AFG2A: variants seen among roughly 807,000 people sequenced by gnomAD.
AFG2A encodes the protein ATPase family gene 2 protein homolog A.
the AFG2A span, among the ~76,000 whole-genome samples, chr4:123,243,023 A>G: frequency 6.6e-6 from 1 of 152,266 alleles, no homozygotes; most frequent in Non-Finnish European, 1.5e-5. Flanking sequence ...CCATCAGAGA[A>G]ATGCAAATCA....
At chr4:123,120,228 T>C in the AFG2A span, among the ~76,000 whole-genome samples, 1 of 152,154 alleles carries the variant, frequency 6.6e-6, no homozygotes, top group Admixed American at 6.5e-5. Flanking sequence ...AGGAAATAAT[T>C]TATAACATTT....
the AFG2A span, among the ~76,000 whole-genome samples, chr4:123,110,990 A>G: frequency 6.6e-6 from 1 of 152,178 alleles, no homozygotes; most frequent in Non-Finnish European, 1.5e-5. Flanking sequence ...ATGTGTTAGA[A>G]AACTTATACT....
chr4:123,064,689 C>A, the AFG2A span, among the ~76,000 whole-genome samples: 3 of 152,144 alleles, frequency 2.0e-5, no homozygotes, highest in Non-Finnish European at 4.4e-5. Flanking sequence ...TTTCCCATAA[C>A]AACTTCTATT....
the AFG2A span, among the ~76,000 whole-genome samples, chr4:123,046,683 G>A: frequency 6.6e-6 from 1 of 152,106 alleles, no homozygotes; most frequent in South Asian, 2.1e-4. Context: ...GAAATATGCA[G>A]TAAATTGTTG....
At chr4:123,192,578 G>T in the AFG2A span, among the ~76,000 whole-genome samples, 3,513 of 152,244 alleles carry the variant, frequency 0.023, 67 homozygotes, top group Non-Finnish European at 0.035. Flanking sequence ...CCATAGCCAC[G>T]GTAGTGAATG....
the AFG2A span, among the ~76,000 whole-genome samples, chr4:122,975,205 G>C: frequency 6.6e-6 from 1 of 152,152 alleles, no homozygotes; most frequent in African/African-American, 2.4e-5. Flanking sequence ...CAGTCTCTTT[G>C]CATCCAAGAT....
chr4:123,154,258 ATACTT>A, the AFG2A span, among the ~76,000 whole-genome samples: 1 of 152,118 alleles, frequency 6.6e-6, no homozygotes, highest in East Asian at 1.9e-4. Context: ...TTATTTAAAG[ATACTT>A]TACTGTTTAA....
chr4:123,029,554 A>G, the AFG2A span, among the ~76,000 whole-genome samples: 1 of 152,314 alleles, frequency 6.6e-6, no homozygotes, highest in East Asian at 1.9e-4. Flanking sequence ...TCTGGAAGAT[A>G]TTGGAGAGTA....
At chr4:122,939,328 C>G in the AFG2A span, among the ~76,000 whole-genome samples, 2 of 151,912 alleles carry the variant, frequency 1.3e-5, no homozygotes, top group Admixed American at 1.3e-4. Flanking sequence ...GTGATCCGCC[C>G]GCCTCGGCCT....
At chr4:123,198,616 C>T in the AFG2A span, among the ~76,000 whole-genome samples, 1 of 152,024 alleles carries the variant, frequency 6.6e-6, no homozygotes, top group Non-Finnish European at 1.5e-5. Context: ...TAATTAGGAC[C>T]ATTAAAAGCC....
At chr4:123,037,190 A>G in the AFG2A span, among the ~76,000 whole-genome samples, 5 of 152,104 alleles carry the variant, frequency 3.3e-5, no homozygotes, top group African/African-American at 1.2e-4. Context: ...TAAAGGGGCA[A>G]AATTGTAAGA....
chr4:123,165,372 G>T, the AFG2A span, among the ~76,000 whole-genome samples: 1,107 of 152,032 alleles, frequency 7.3e-3, 9 homozygotes, highest in African/African-American at 0.024. Flanking sequence ...GAATTTTGTG[G>T]TATGTAAATT....
At chr4:122,935,588 A>G in the AFG2A span, 1 of 1,144,584 alleles carries the variant, frequency 8.7e-7, no homozygotes, top group Non-Finnish European at 1.2e-6. Flanking sequence ...GGGGGAGAAA[A>G]AACTCTTGAC....
the AFG2A span, among the ~76,000 whole-genome samples, chr4:123,099,615 T>C: frequency 3.3e-5 from 5 of 151,720 alleles, no homozygotes; most frequent in Admixed American, 3.3e-4. Flanking sequence ...GTAAAAAATA[T>C]AATACTGAAC....
chr4:123,115,881 A>C, the AFG2A span, among the ~76,000 whole-genome samples: 2 of 152,186 alleles, frequency 1.3e-5, no homozygotes, highest in South Asian at 4.1e-4. Context: ...CTAGCAGCTT[A>C]AGAATCATTT....
chr4:123,094,698 T>G, the AFG2A span, among the ~76,000 whole-genome samples: 1 of 151,800 alleles, frequency 6.6e-6, no homozygotes, highest in Non-Finnish European at 1.5e-5. Flanking sequence ...TCAAAAGAAA[T>G]AAATCACAGA....
chr4:123,056,091 C>CAGTGT, the AFG2A span, among the ~76,000 whole-genome samples: 1 of 152,202 alleles, frequency 6.6e-6, no homozygotes, highest in Admixed American at 6.5e-5. Flanking sequence ...GTGCCTAGCA[C>CAGTGT]CACATCTGAT....
At chr4:123,314,484 T>A in the AFG2A span, 2 of 152,600 alleles carry the variant, frequency 1.3e-5, no homozygotes. Context: ...AAAGTGTATG[T>A]GGATAAATTT....
At chr4:123,020,813 T>C in the AFG2A span, among the ~76,000 whole-genome samples, 1 of 152,358 alleles carries the variant, frequency 6.6e-6, no homozygotes, top group East Asian at 1.9e-4. Flanking sequence ...ATACAGAGTG[T>C]TGTGCCATGA....
Sources: gnomAD v4.1 joint callset for allele counts (sites outside exome capture counted in the v4.1 genomes callset) on GRCh38, gnomAD v4.1.1 for gene constraint, MANE v1.5 for transcripts, NCBI Gene and HGNC (gene_info 2026-07-23, HGNC 2026-07-21) for gene names.